The following PSME4 variants were observed in gnomAD, a reference collection of about 807,000 sequenced individuals.
The protein encoded by PSME4 is proteasome activator complex subunit 4.
PSME4 carries 89 observed loss-of-function variants against 253.9 expected under a neutral mutation model. That is an observed-to-expected ratio of 0.35 (90% confidence interval 0.30 to 0.42). PSME4 has a LOEUF of 0.42. Among genes scored for constraint, PSME4 ranks in the 10% least tolerant of loss-of-function variants. The pLI, the probability that PSME4 is intolerant of heterozygous loss-of-function variation, is 1.00. For missense variants in PSME4, 2,014 were observed against 2,195.2 expected, an observed-to-expected ratio of 0.92 and a Z score of 1.65; for synonymous variants, 851 against 759.2, an observed-to-expected ratio of 1.12 and a Z score of -1.99.
At chr2:53,969,024 T>C (rs983333667) in intron 1 of PSME4, among the ~76,000 whole-genome samples, 1 of 152,246 alleles carries the variant, frequency 6.6e-6, no homozygotes, top group Admixed American at 6.5e-5. Flanking sequence ...CTGGCAAGTC[T>C]AATCCAAGTG....
At position 53,893,000 on chromosome 2, in the gene PSME4, A is replaced by T. The variant is rs776348733; in HGVS notation, c.4039-40T>A. 15 of 1,553,328 alleles carry T rather than the reference A, an allele frequency of 9.7e-6. No homozygotes were observed. The East Asian group carries it at 3.4e-4, about 35-fold the overall frequency. The stretch of plus-strand genomic sequence containing the variant: ...ACTGTTCTTCAGTACTCAAATGACT[A>T]TCATCTCGATTATAATTATGCTTGT... On this transcript the variant is annotated intron_variant, in intron 35 of 46. Transcript: ENST00000404125.
chr2:53,916,343 G>T (rs539376066), intron 20 of PSME4, among the ~76,000 whole-genome samples: 1 of 151,796 alleles, frequency 6.6e-6, no homozygotes, highest in South Asian at 2.1e-4. Flanking sequence ...TAATACCACA[G>T]CCAAACTGTT....
chr2:53,948,309 C>G (rs144846044), intron 3 of PSME4, 112 bp downstream of exon 3: 1 of 724,360 alleles, frequency 1.4e-6, no homozygotes, highest in Non-Finnish European at 2.4e-6. Flanking sequence ...GAAATAGGCA[C>G]ATTAAAATAT....
intron 35 of PSME4, among the ~76,000 whole-genome samples, chr2:53,893,257 C>T (rs12614854): frequency 0.082 from 12,462 of 152,002 alleles, 666 homozygotes; most frequent in East Asian, 0.26. Flanking sequence ...CCTTCTAATG[C>T]CAATTACAAC....
At chr2:53,952,274 A>G (rs914065119) in intron 1 of PSME4, among the ~76,000 whole-genome samples, 1 of 151,890 alleles carries the variant, frequency 6.6e-6, no homozygotes, top group Non-Finnish European at 1.5e-5. Context: ...CTTTGTCTCT[A>G]CTACACACCT....
At chr2:53,940,937 A>T (rs56151149) in intron 3 of PSME4, among the ~76,000 whole-genome samples, 8,306 of 47,286 alleles carry the variant, frequency 0.18, 1,095 homozygotes, top group East Asian at 0.23. Flanking sequence ...TAATACATAT[A>T]TAAATATATA....
chr2:53,935,004 C>G (rs1198990064), intron 7 of PSME4, among the ~76,000 whole-genome samples: 1 of 152,080 alleles, frequency 6.6e-6, no homozygotes, highest in Non-Finnish European at 1.5e-5. Context: ...TTATTTATGG[C>G]TAAATATAAA....
chr2:53,875,620 C>G lies in PSME4; in HGVS notation c.4944+7G>C. 2 of 1,598,064 alleles carry G rather than the reference C, an allele frequency of 1.3e-6. No individual in the cohort carries two copies. The highest frequency in any genetic ancestry group is 8.5e-7 in the Non-Finnish European group (1 of 1,175,156). On this transcript the variant is annotated splice_region_variant and intron_variant, in intron 42 of 46. Transcript: ENST00000404125. ...TCAAAAGACATAAATATTATAAACACTCTTACTTGTTTTAGCACCTGAAGT... is the reference window on the plus strand; with the variant it reads ...TCAAAAGACATAAATATTATAAACAGTCTTACTTGTTTTAGCACCTGAAGT...
intron 2 of PSME4, among the ~76,000 whole-genome samples, chr2:53,948,909 T>C (rs1225630136): frequency 1.3e-5 from 2 of 152,154 alleles, no homozygotes; most frequent in East Asian, 1.9e-4. Flanking sequence ...TAACAACCTA[T>C]AAAAGGGGAA....
chr2:53,936,612 C>T, intron 6 of PSME4, 152 bp downstream of exon 6: 2 of 535,728 alleles, frequency 3.7e-6, no homozygotes, highest in Non-Finnish European at 6.4e-6. Flanking sequence ...TGAAAAGAAA[C>T]TGATCATAAC....
At chr2:53,966,270 C>A (rs1037303262) in intron 1 of PSME4, among the ~76,000 whole-genome samples, 2 of 152,020 alleles carry the variant, frequency 1.3e-5, no homozygotes, top group South Asian at 2.1e-4. Flanking sequence ...GATGACAGAG[C>A]GAGACTCTGT....
rs896133186 is a variant in PSME4, at chr2:53,869,534, C to T, written c.5105G>A (p.Arg1702Gln). The T allele has an allele frequency of 6.6e-7, 1 of 1,517,446 alleles. No individual in the cohort carries two copies. 94.0% of individuals were successfully genotyped at this position (1,517,446 alleles called of 1,614,324 possible). ...GCTTAAGGTAGTAGCAGCCATTTCT[C>T]GAACCTGTAGATATAATAATTTCTA... ...SLLEDEQLEV[R>Q]EMAATTLSGL... The change falls in exon 44 of 47, where the codon CGA becomes CAA. Residue 1702 changes from arginine (R) to glutamine (Q), a missense_variant. Arg to Gln is a conservative substitution (Grantham distance 43, BLOSUM62 1). Coordinates refer to ENST00000404125, the MANE Select transcript of PSME4 (RefSeq NM_014614.3).
At chr2:53,958,099 T>A (rs566821157) in intron 1 of PSME4, among the ~76,000 whole-genome samples, 36 of 148,696 alleles carry the variant, frequency 2.4e-4, no homozygotes, top group Admixed American at 4.7e-4. Context: ...GCCAGGAGAA[T>A]TGCTTGAACT....
chr2:53,907,970 T>TC (rs1334872087), intron 24 of PSME4: 1 of 186,654 alleles, frequency 5.4e-6, no homozygotes, highest in African/African-American at 2.4e-5. Context: ...GGTAACTTTT[T>TC]CTCAGATCTA....
intron 10 of PSME4, among the ~76,000 whole-genome samples, chr2:53,929,272 A>G (rs1438767442): frequency 1.3e-5 from 2 of 151,948 alleles, no homozygotes; most frequent in Non-Finnish European, 2.9e-5. Flanking sequence ...CAAGTTACAG[A>G]TACTCTACTC....
Position 53,869,414 on chromosome 2 carries a change from C to T in PSME4, c.5225G>A (p.Arg1742Gln), listed in dbSNP as rs1044076318. The T allele has an allele frequency of 4.3e-6, 7 of 1,610,368 alleles. No homozygotes were observed. Among genetic ancestry groups the T allele is most frequent in the African/African-American group, 4.0e-5 (3 of 74,880 alleles). Residue 1742 changes from arginine (R) to glutamine (Q), a missense_variant, in exon 44 of 47, where the codon CGA becomes CAA. Arg to Gln is a conservative substitution (Grantham distance 43). Coordinates refer to ENST00000404125, the MANE Select transcript of PSME4 (RefSeq NM_014614.3). ...GGTATCTCCTACAGAACCAGGGTCT[C>T]GCTTTCTTTTCTTAGGTAGTTTTGT... is the stretch of plus-strand genomic sequence containing the variant. ...CKTKLPKKRK[R>Q]DPGSVGDTIP...
intron 36 of PSME4, among the ~76,000 whole-genome samples, chr2:53,891,158 A>AAGAGGC (rs1679888045): frequency 6.6e-6 from 1 of 152,274 alleles, no homozygotes; most frequent in African/African-American, 2.4e-5. Context: ...TTAAACCTTA[A>AAGAGGC]AGAGGCAATG....
chr2:53,942,659 C>T (rs909652345), intron 3 of PSME4, among the ~76,000 whole-genome samples: 5 of 152,108 alleles, frequency 3.3e-5, no homozygotes, highest in Non-Finnish European at 7.4e-5. Flanking sequence ...AGCAGGTATA[C>T]GGCCCAGAAT....
chr2:53,967,750 G>C (rs1300972084), intron 1 of PSME4, among the ~76,000 whole-genome samples: 1 of 147,918 alleles, frequency 6.8e-6, no homozygotes, highest in Non-Finnish European at 1.5e-5. Flanking sequence ...ACACACCTCT[G>C]ATGTCCAGAT....
Sources: gnomAD v4.1 joint callset for allele counts (sites outside exome capture counted in the v4.1 genomes callset) on GRCh38, gnomAD v4.1.1 for gene constraint, MANE v1.5 for transcripts, NCBI Gene and HGNC (gene_info 2026-07-23, HGNC 2026-07-21) for gene names.